Variants in SLC4A8 observed in about 807,000 individuals in gnomAD.
SLC4A8 encodes the protein electroneutral sodium bicarbonate exchanger 1.
Under a neutral mutation model 125.0 loss-of-function variants are expected in SLC4A8, and 40 were observed. That is an observed-to-expected ratio of 0.32 (90% CI 0.25 to 0.42). The LOEUF (loss-of-function observed/expected upper bound fraction) is 0.42, where lower values mean the gene tolerates loss of function less well. Among genes scored for constraint, SLC4A8 ranks in the 10% least tolerant of loss-of-function variants. SLC4A8 has a pLI of 1.00. For missense variants in SLC4A8, 863 were observed against 1,355.1 expected (o/e 0.64, Z 5.70); for synonymous variants, 456 against 476.0 (o/e 0.96, Z 0.55).
chr12:51,470,422 A>G lies in SLC4A8; in HGVS notation c.1555A>G (p.Met519Val), dbSNP rs772730179. The G allele has an allele frequency of 1.4e-5, 23 of 1,613,908 alleles. No individual in the cohort carries two copies. The highest frequency in any genetic ancestry group is 1.9e-5 in the Non-Finnish European group (22 of 1,179,904). ...AATTGAATCCTTGTTTGGAGCTTCCATGACTGGGATTGCTTATTCCTTGTT... is the reference window on the plus strand; with the variant it reads ...AATTGAATCCTTGTTTGGAGCTTCCGTGACTGGGATTGCTTATTCCTTGTT... ...SAIESLFGAS[M>V]TGIAYSLFAG... The change falls in exon 13 of 25, where the codon ATG becomes GTG. Residue 519 changes from methionine (M) to valine (V), a missense_variant. This residue lies in a region of SLC4A8 where 390 missense variants were observed against 634.4 expected (regional missense o/e 0.61). Transcript: ENST00000453097.
chr12:51,465,699 A>AT (rs1177068443), intron 11 of SLC4A8, among the ~76,000 whole-genome samples: 1 of 151,984 alleles, frequency 6.6e-6, no homozygotes, highest in African/African-American at 2.4e-5. Flanking sequence ...AGCTTCTGTC[A>AT]TTTTTCTTAG....
At chr12:51,442,926 A>C (rs1201326041) in intron 2 of SLC4A8, among the ~76,000 whole-genome samples, 4 of 152,226 alleles carry the variant, frequency 2.6e-5, no homozygotes, top group Non-Finnish European at 5.9e-5. Context: ...GATGGAACAC[A>C]GAAGCAAATT....
At chr12:51,394,035 C>T (rs10747612) in intron 1 of SLC4A8, among the ~76,000 whole-genome samples, 93,065 of 152,050 alleles carry the variant, frequency 0.61, 28,609 homozygotes, top group Non-Finnish European at 0.63. Context: ...ACCGTCTTTG[C>T]TCTGTCCTTC....
At chr12:51,437,112 T>C (rs1949446431) in intron 1 of SLC4A8, among the ~76,000 whole-genome samples, 1 of 152,248 alleles carries the variant, frequency 6.6e-6, no homozygotes, top group Non-Finnish European at 1.5e-5. Flanking sequence ...ATAAAAATCC[T>C]AAGTAGATAT....
In SLC4A8 at chr12:51,510,793, T is replaced by A. The variant is rs1188842460; in HGVS notation, c.*3355T>A. 6.6e-6 allele frequency: 1 copy of A among 151,996 alleles called. No individual in the cohort carries two copies. The highest frequency in any genetic ancestry group is 1.9e-4 in the East Asian group (1 of 5,202). The allele number at this position is 151,996 out of a possible 1,614,324, so 9.4% of individuals were successfully genotyped here. On this transcript the variant is annotated 3_prime_UTR_variant, in exon 25 of 25. Transcript: ENST00000453097. ...ACCAGGATCTCTTAACGGCAAGTGCTCACGGGGCATGGGTGATTTTGTCTA... is the reference window on the plus strand; with the variant it reads ...ACCAGGATCTCTTAACGGCAAGTGCACACGGGGCATGGGTGATTTTGTCTA...
At chr12:51,498,646 C>T (rs1325561197) in intron 22 of SLC4A8, among the ~76,000 whole-genome samples, 2 of 148,212 alleles carry the variant, frequency 1.3e-5, no homozygotes, top group East Asian at 4.1e-4. Context: ...TTTGGGAGGC[C>T]GAGGTGGTTG....
chr12:51,421,202 A>G (rs1419818129), upstream of SLC4A8, among the ~76,000 whole-genome samples: 4 of 152,060 alleles, frequency 2.6e-5, no homozygotes, highest in Non-Finnish European at 4.4e-5. Flanking sequence ...TTGGCTGAAT[A>G]CCCCCAGCTC....
rs774518933 is a variant in SLC4A8 at position 51,453,690 on chromosome 12, G to T, written c.565G>T (p.Glu189Ter). The T allele has an allele frequency of 2.5e-6, 4 of 1,612,406 alleles. No homozygotes were observed. Among genetic ancestry groups the T allele is most frequent in the Non-Finnish European group, 3.4e-6 (4 of 1,179,000 alleles). Reference sequence around the variant, plus strand: ...GGATATGCATGCAAATAGCATAGAAGAAATTTCAGGTAAGGTTGGGGAAGG... The same window carrying T: ...GGATATGCATGCAAATAGCATAGAATAAATTTCAGGTAAGGTTGGGGAAGG... ...LLDMHANSIEEISDLILDQQE... is the reference protein window; with the variant it reads ...LLDMHANSIE Residue 189 changes from glutamate to a stop codon, truncating the protein, a stop_gained, in exon 5 of 25, where the codon GAA (glutamate) becomes TAA (stop). Transcript: ENST00000453097. LOFTEE classifies it high-confidence loss of function.
chr12:51,398,941 G>T (rs6580828), intron 1 of SLC4A8, among the ~76,000 whole-genome samples: 70,992 of 151,914 alleles, frequency 0.47, 16,869 homozygotes, highest in East Asian at 0.57. Context: ...TAGAGATGGG[G>T]TTTCACCATG....
intron 1 of SLC4A8, among the ~76,000 whole-genome samples, chr12:51,427,782 G>C (rs952789787): frequency 3.9e-5 from 6 of 152,162 alleles, no homozygotes; most frequent in South Asian, 2.1e-4. Flanking sequence ...TGGAAGATGT[G>C]AGCTACTGTC....
chr12:51,452,161 C>T lies in SLC4A8; in HGVS notation c.315C>T (p.Thr105=), dbSNP rs143451528. Residue 105 remains threonine, a synonymous_variant, in exon 4 of 25, where the codon ACC becomes ACT. Transcript: ENST00000453097. Reference sequence around the variant, plus strand: ...AGCGTGTTCAGTTCATTCTTGGCACCGAGGAAGATGAAGAGCATGTGCCTC... The same window carrying T: ...AGCGTGTTCAGTTCATTCTTGGCACTGAGGAAGATGAAGAGCATGTGCCTC... ...PSQRVQFILG[T]EEDEEHVPHE... is the part of the protein sequence containing the mutation. The T allele has an allele frequency of 2.1e-4, 345 of 1,614,020 alleles. No individual in the cohort carries two copies. The highest frequency in any genetic ancestry group is 6.6e-4 in the Middle Eastern group (4 of 6,062).
At chr12:51,506,189 C>A (rs1938162130) in intron 24 of SLC4A8, among the ~76,000 whole-genome samples, 1 of 152,178 alleles carries the variant, frequency 6.6e-6, no homozygotes, top group Non-Finnish European at 1.5e-5. Context: ...TATAAATTTG[C>A]TTTGCCTGTT....
chr12:51,415,717 A>G (rs1948673700), intron 1 of SLC4A8, among the ~76,000 whole-genome samples: 1 of 151,044 alleles, frequency 6.6e-6, no homozygotes. Flanking sequence ...TAAAGTGCCT[A>G]TCTTGGACAC....
At chr12:51,465,141 C>T (rs1274373579) in intron 11 of SLC4A8, among the ~76,000 whole-genome samples, 1 of 151,974 alleles carries the variant, frequency 6.6e-6, no homozygotes, top group Non-Finnish European at 1.5e-5. Context: ...AGAAGGGGTT[C>T]CAGGATTGAG....
chr12:51,483,877 A>T (rs2138375112), intron 16 of SLC4A8, among the ~76,000 whole-genome samples: 1 of 151,974 alleles, frequency 6.6e-6, no homozygotes, highest in East Asian at 1.9e-4. Flanking sequence ...TCCTAATGTT[A>T]TCCCTCCCTG....
intron 1 of SLC4A8, among the ~76,000 whole-genome samples, chr12:51,399,935 T>A (rs1453408639): frequency 6.6e-6 from 1 of 151,574 alleles, no homozygotes; most frequent in Non-Finnish European, 1.5e-5. Flanking sequence ...TGAGCTGAGA[T>A]TGCGTGACTG....
At chr12:51,461,944 AC>A (rs1426639218) in intron 9 of SLC4A8, 1 of 189,026 alleles carries the variant, frequency 5.3e-6, no homozygotes, top group African/African-American at 2.4e-5. Context: ...AGTGTTTCCA[AC>A]CTTTAAGATC....
At position 51,463,513 on chromosome 12, in the gene SLC4A8, A is replaced by C. The variant is rs1210748541; in HGVS notation, c.1249-101A>C. The C allele has an allele frequency of 9.1e-6, 7 of 766,420 alleles. No homozygotes were observed. In the African/African-American group the frequency reaches 1.2e-4, roughly 13 times the overall value. 47.5% of individuals were successfully genotyped at this position (766,420 alleles called of 1,614,324 possible). On this transcript the variant is annotated intron_variant, in intron 10 of 24. Transcript: ENST00000453097. ...GTATTTGAAAGCTACAAACACGGGC[A>C]TTTTTGGTTGCTTTTGGGTTATCCC...
rs2138306065 is a variant in SLC4A8, at chr12:51,471,609, G to A, written c.1904+77G>A. ...AATTGCTGATGTAGAGTGCTAGGCA[G>A]TGCTTACAGCTTCTGGTCAAGAAGT... On this transcript the variant is annotated intron_variant, in intron 14 of 24. Transcript: ENST00000453097. The A allele has an allele frequency of 3.4e-6, 5 of 1,490,608 alleles. No homozygotes were observed. The East Asian group carries it at 9.1e-5, about 27-fold the overall frequency. 92.3% of individuals were successfully genotyped at this position (1,490,608 alleles called of 1,614,324 possible).
Sources: gnomAD v4.1 joint callset for allele counts (sites outside exome capture counted in the v4.1 genomes callset) on GRCh38, gnomAD v4.1.1 for gene constraint, gnomAD v4.1.1 regional missense constraint, MANE v1.5 for transcripts, NCBI Gene and HGNC (gene_info 2026-07-23, HGNC 2026-07-21) for gene names.